The following MYO9A variants were observed in gnomAD, a reference collection of about 807,000 sequenced individuals.
The protein encoded by MYO9A is myosin IXA.
A neutral mutation model predicts 293.3 loss-of-function variants in MYO9A; 103 were observed. That is an observed-to-expected ratio of 0.35 (90% CI 0.30 to 0.41). The LOEUF is 0.41. MYO9A is among the 10% of genes least tolerant of loss of function. The probability of loss-of-function intolerance (pLI) is 1.00; values close to 1 mark genes in which losing one functional copy is unlikely to be tolerated. For synonymous variants in MYO9A, 1,001 were observed against 1,035.7 expected (o/e 0.97, Z 0.64); for missense variants, 2,685 against 3,033.0 (o/e 0.89, Z 2.69).
chr15:71,884,801 T>C (rs2056972140), intron 27 of MYO9A, among the ~76,000 whole-genome samples: 1 of 152,102 alleles, frequency 6.6e-6, no homozygotes, highest in Non-Finnish European at 1.5e-5. Context: ...TGACAGGTAC[T>C]ATGCCTTATA....
intron 13 of MYO9A, 151 bp downstream of exon 13, chr15:71,967,833 A>G: frequency 6.7e-6 from 5 of 746,336 alleles, no homozygotes; most frequent in Non-Finnish European, 9.7e-6. Context: ...TGTGCTGAAA[A>G]GCAGAATCTA....
intron 6 of MYO9A, among the ~76,000 whole-genome samples, chr15:72,010,886 A>G (rs1056987354): frequency 3.3e-5 from 5 of 152,216 alleles, no homozygotes; most frequent in South Asian, 4.1e-4. Flanking sequence ...ACTGAACTAG[A>G]TATTAGTGAC....
chr15:71,948,755 T>C (rs2058980177), intron 15 of MYO9A, among the ~76,000 whole-genome samples: 1 of 152,218 alleles, frequency 6.6e-6, no homozygotes, highest in Non-Finnish European at 1.5e-5. Context: ...TCCCAGACTC[T>C]GTTAGTCTGA....
chr15:72,112,434 C>G (rs996780382), intron 1 of MYO9A, among the ~76,000 whole-genome samples: 1 of 152,196 alleles, frequency 6.6e-6, no homozygotes, highest in Non-Finnish European at 1.5e-5. Flanking sequence ...CTATCCCAAG[C>G]ATATTTACCA....
At chr15:72,024,072 C>T (rs1290057279) in intron 4 of MYO9A, among the ~76,000 whole-genome samples, 2 of 151,930 alleles carry the variant, frequency 1.3e-5, no homozygotes, top group South Asian at 2.1e-4. Context: ...AAGTATATAT[C>T]CAGGAAAAAT....
intron 9 of MYO9A, among the ~76,000 whole-genome samples, chr15:71,996,753 T>C (rs2076708721): frequency 6.6e-6 from 1 of 152,086 alleles, no homozygotes; most frequent in African/African-American, 2.4e-5. Flanking sequence ...AAAGCAAATA[T>C]CATTCTCACT....
chr15:72,052,383 C>T (rs1237377130), intron 1 of MYO9A, among the ~76,000 whole-genome samples: 1 of 152,220 alleles, frequency 6.6e-6, no homozygotes, highest in Non-Finnish European at 1.5e-5. Flanking sequence ...TAAAGCTCCC[C>T]TTCACCTTGC....
chr15:71,960,678 T>C (rs2075717182), intron 13 of MYO9A, among the ~76,000 whole-genome samples: 1 of 152,224 alleles, frequency 6.6e-6, no homozygotes, highest in South Asian at 2.1e-4. Context: ...TAAGGTCTCA[T>C]CCAATCCTAA....
intron 15 of MYO9A, among the ~76,000 whole-genome samples, chr15:71,942,650 A>G (rs982982251): frequency 2.0e-5 from 3 of 152,000 alleles, no homozygotes. Context: ...TGTTTAACAT[A>G]CTCATGAATT....
chr15:71,954,377 T>A (rs1360698569), intron 14 of MYO9A, among the ~76,000 whole-genome samples: 1 of 152,154 alleles, frequency 6.6e-6, no homozygotes, highest in Non-Finnish European at 1.5e-5. Flanking sequence ...ATTTTGTTTT[T>A]GTATTTTTAG....
intron 35 of MYO9A, among the ~76,000 whole-genome samples, chr15:71,853,880 G>C (rs921838899): frequency 6.6e-6 from 1 of 152,204 alleles, no homozygotes; most frequent in Non-Finnish European, 1.5e-5. Flanking sequence ...AATAGATTAT[G>C]AATTCAGAAG....
At chr15:71,839,961 C>T (rs2055085764) in intron 39 of MYO9A, among the ~76,000 whole-genome samples, 1 of 152,128 alleles carries the variant, frequency 6.6e-6, no homozygotes, top group Admixed American at 6.5e-5. Context: ...CTTTCCTTGT[C>T]TGTGTAAGAA....
intron 18 of MYO9A, among the ~76,000 whole-genome samples, chr15:71,927,067 T>G (rs1203048668): frequency 6.6e-6 from 1 of 152,232 alleles, no homozygotes; most frequent in East Asian, 1.9e-4. Context: ...GGGCCCATCC[T>G]CAGGCCCTCG....
intron 14 of MYO9A, among the ~76,000 whole-genome samples, chr15:71,954,857 A>G (rs558102945): frequency 6.6e-6 from 1 of 152,344 alleles, no homozygotes; most frequent in East Asian, 1.9e-4. Context: ...ACCTTAGGCA[A>G]TATCTTTGGC....
chr15:72,084,257 T>C (rs983943816), intron 1 of MYO9A, among the ~76,000 whole-genome samples: 1 of 152,204 alleles, frequency 6.6e-6, no homozygotes, highest in African/African-American at 2.4e-5. Flanking sequence ...CCCTTCTTTG[T>C]CCTTCTTCAT....
At chr15:72,027,892 G>C in intron 3 of MYO9A, 99 bp from the exon 4 acceptor site, 1 of 880,258 alleles carries the variant, frequency 1.1e-6, no homozygotes, top group African/African-American at 1.7e-5. Context: ...ATACTATCCA[G>C]ATCATTTCAA....
chr15:71,827,513 A>AAAAAC (rs143023398), intron 41 of MYO9A, among the ~76,000 whole-genome samples: 3 of 152,120 alleles, frequency 2.0e-5, no homozygotes, highest in African/African-American at 4.8e-5. Flanking sequence ...TAAATTACCA[A>AAAAAC]AAAACAAAAC....
intron 1 of MYO9A, among the ~76,000 whole-genome samples, chr15:72,067,302 T>C (rs1306675230): frequency 6.6e-6 from 1 of 151,846 alleles, no homozygotes; most frequent in Non-Finnish European, 1.5e-5. Context: ...TACTAATTAA[T>C]TAATTTATTT....
chr15:72,076,980 A>C (rs1226715279), intron 1 of MYO9A, among the ~76,000 whole-genome samples: 1 of 152,088 alleles, frequency 6.6e-6, no homozygotes, highest in Non-Finnish European at 1.5e-5. Context: ...TGGAAAAAGG[A>C]TAGTCTTTTC....
Sources: allele counts gnomAD v4.1 joint callset (sites outside exome capture counted in the v4.1 genomes callset), GRCh38; gene constraint gnomAD v4.1.1; transcripts MANE v1.5; gene names NCBI Gene and HGNC (gene_info 2026-07-23, HGNC 2026-07-21).